EPB41L4B: variants seen among roughly 807,000 people sequenced by gnomAD.
EPB41L4B encodes the protein band 4.1-like protein 4B.
Under a neutral mutation model 112.5 loss-of-function variants are expected in EPB41L4B, and 30 were observed. The ratio of observed to expected loss-of-function variants is 0.27; its 90% confidence interval spans 0.20 to 0.36. EPB41L4B has a LOEUF of 0.36. Among genes scored for constraint, EPB41L4B ranks in the 10% least tolerant of loss-of-function variants. The pLI is 1.00. For synonymous variants in EPB41L4B, 408 were observed against 439.7 expected (o/e 0.93, Z 0.90); for missense variants, 1,024 against 1,133.3 (o/e 0.90, Z 1.38).
intron 1 of EPB41L4B, among the ~76,000 whole-genome samples, chr9:109,301,617 C>T (rs952113354): frequency 1.2e-4 from 18 of 152,294 alleles, no homozygotes; most frequent in African/African-American, 4.3e-4. Context: ...CATACAGAGG[C>T]TACTCTTTTA....
At chr9:109,211,648 C>T (rs966426755) in intron 17 of EPB41L4B, among the ~76,000 whole-genome samples, 6 of 149,568 alleles carry the variant, frequency 4.0e-5, no homozygotes, top group South Asian at 2.1e-4. Flanking sequence ...GTGTGTGTGT[C>T]GGGACAAAGT....
chr9:109,184,159 T>G (rs1043117006), intron 23 of EPB41L4B, among the ~76,000 whole-genome samples: 5 of 152,248 alleles, frequency 3.3e-5, no homozygotes, highest in African/African-American at 9.6e-5. Context: ...ACCAATATCC[T>G]AGCAGAAAGT....
chr9:109,213,714 T>A lies in EPB41L4B; in HGVS notation c.1738A>T (p.Ile580Phe). Residue 580 changes from isoleucine to phenylalanine, a missense_variant, in exon 17 of 26, where the codon ATC becomes TTC. Ile to Phe is a conservative substitution (Grantham distance 21, BLOSUM62 0). Transcript: ENST00000374566. ...KAAGPWPPLH[I>F]NINKAEEKKV... The stretch of plus-strand genomic sequence containing the variant: ...GCCCTTGGCACCTTGTTTATGTTGA[T>A]GTGCAGAGGAGGCCAGGGTCCAGCA... The A allele has an allele frequency of 3.1e-6, 5 of 1,613,988 alleles. No individual in the cohort carries two copies. Among genetic ancestry groups the A allele is most frequent in the Non-Finnish European group, 4.2e-6 (5 of 1,179,952 alleles).
At chr9:109,279,970 T>C in intron 1 of EPB41L4B, 49 bp from the exon 2 acceptor site, 1 of 1,451,808 alleles carries the variant, frequency 6.9e-7, no homozygotes, top group Non-Finnish European at 9.5e-7. Flanking sequence ...GACAGCTAGA[T>C]AAGAAAAAAA....
Position 109,320,264 on chromosome 9 carries a change from C to G in EPB41L4B, c.183G>C (p.Ala61=), listed in dbSNP as rs1262914729. The G allele has an allele frequency of 1.0e-5, 12 of 1,205,232 alleles. No homozygotes were observed. The highest frequency in any genetic ancestry group is 1.2e-5 in the Non-Finnish European group (12 of 966,026). 74.7% of individuals were successfully genotyped at this position (1,205,232 alleles called of 1,614,324 possible). A position where few individuals can be genotyped will look rare whatever the true frequency, so the allele number is the denominator to read the frequency against. Residue 61 remains alanine, a synonymous_variant, in exon 1 of 26, where the codon GCG becomes GCC. Coordinates refer to ENST00000374566, the MANE Select transcript of EPB41L4B (RefSeq NM_019114.5). The part of the protein sequence containing the change: ...PAAPGGSVFP[A]GGGPLLTGGA... ...CGCCGGTGAGCAGGGGCCCGCCGCC[C>G]GCCGGGAACACGCTGCCCCCGGGCG...
rs569166415 is a variant in EPB41L4B at position 109,185,425 on chromosome 9, G to A, written c.2418+64C>T. 1.6e-3 allele frequency: 2,310 copies of A among 1,439,110 alleles called. 51 individuals are homozygous for A. In the South Asian group the frequency reaches 0.024, roughly 15 times the overall value. The allele number at this position is 1,439,110 out of a possible 1,614,324, so 89.1% of individuals were successfully genotyped here. A position where few individuals can be genotyped will look rare whatever the true frequency, so the allele number is the denominator to read the frequency against. ...GCACGCCCACCCAGGCTTCCACCTC[G>A]CCTGGTGGCTCCTGCCCACCTCACC... is the stretch of plus-strand genomic sequence containing the variant. On this transcript the variant is annotated intron_variant, in intron 23 of 25. Coordinates refer to ENST00000374566, the MANE Select transcript of EPB41L4B (RefSeq NM_019114.5).
intron 17 of EPB41L4B, among the ~76,000 whole-genome samples, chr9:109,209,915 G>T (rs983758709): frequency 2.6e-5 from 4 of 152,328 alleles, no homozygotes; most frequent in African/African-American, 9.6e-5. Context: ...CAGAAATGGT[G>T]ATGTTGGTTA....
chr9:109,256,266 G>C, intron 8 of EPB41L4B, 42 bp from the exon 9 acceptor site: 1 of 1,596,112 alleles, frequency 6.3e-7, no homozygotes, highest in Non-Finnish European at 8.6e-7. Context: ...GGTTCTAACA[G>C]GTCGTCACAC....
rs34950010 is a variant in EPB41L4B, at chr9:109,309,755, C to CAGAGAGAGAG, written c.306+10376_306+10385dup. 1.0e-3 allele frequency among the ~76,000 whole-genome samples: 144 copies of CAGAGAGAGAG among 142,226 alleles called. 2 individuals carry two copies. Among genetic ancestry groups the CAGAGAGAGAG allele is most frequent in the African/African-American group, 1.5e-3 (57 of 37,868 alleles). The allele number at this position is 142,226 out of a possible 152,430, so 93.3% of individuals were successfully genotyped here. On this transcript the variant is annotated intron_variant, in intron 1 of 25. Coordinates refer to ENST00000374566, the MANE Select transcript of EPB41L4B (RefSeq NM_019114.5). ...TCTCTATTATTAAGAAATACACACA[C>CAGAGAGAGAG]AGAGAGAGAGAGAGAGAGAGAGAGA...
chr9:109,264,655 T>C (rs753134473), intron 5 of EPB41L4B, among the ~76,000 whole-genome samples: 1 of 152,224 alleles, frequency 6.6e-6, no homozygotes, highest in Non-Finnish European at 1.5e-5. Context: ...CTTGTAAGTG[T>C]ATACATACTA....
rs151191271 is a variant in EPB41L4B, at chr9:109,273,265, G to A, written c.412-4832C>T. Among the ~76,000 whole-genome samples the A allele has an allele frequency of 3.7e-3, 546 of 147,448 alleles. 3 individuals are homozygous for A. The highest frequency in any genetic ancestry group is 0.013 in the African/African-American group (526 of 39,872). On this transcript the variant is annotated intron_variant, in intron 2 of 25. Coordinates refer to ENST00000374566, the MANE Select transcript of EPB41L4B (RefSeq NM_019114.5). ...GCATTTCTTTTTTTTTTTTCTTTTC[G>A]AGACAGAGTCTCGCTCTGTCACCCA...
At chr9:109,294,891 G>A (rs1033701688) in intron 1 of EPB41L4B, among the ~76,000 whole-genome samples, 3 of 152,164 alleles carry the variant, frequency 2.0e-5, no homozygotes, top group East Asian at 1.9e-4. Flanking sequence ...ATCTTGTAAC[G>A]TGCAAAGGAG....
At chr9:109,251,537 G>A in intron 12 of EPB41L4B, 26 bp from the exon 13 acceptor site, 1 of 1,609,436 alleles carries the variant, frequency 6.2e-7, no homozygotes, top group South Asian at 1.1e-5. Context: ...AGAAAGTTAT[G>A]ACATCTTAGA....
At chr9:109,318,187 G>A (rs949227763) in intron 1 of EPB41L4B, among the ~76,000 whole-genome samples, 5 of 151,196 alleles carry the variant, frequency 3.3e-5, no homozygotes, top group African/African-American at 4.9e-5. Context: ...GTGTGCACGC[G>A]CATAAATACA....
chr9:109,184,923 A>G lies in EPB41L4B; in HGVS notation c.2418+566T>C, dbSNP rs534369453. On this transcript the variant is annotated intron_variant, in intron 23 of 25. Coordinates refer to ENST00000374566, the MANE Select transcript of EPB41L4B (RefSeq NM_019114.5). Reference sequence around the variant, plus strand: ...TGGTAACAAGAACAAGCTAGAAACAACATAGCAGCATTAAGTGAAAAGAGG... The same window carrying G: ...TGGTAACAAGAACAAGCTAGAAACAGCATAGCAGCATTAAGTGAAAAGAGG... Among the ~76,000 whole-genome samples, 15 of 152,370 alleles carry G rather than the reference A, an allele frequency of 9.8e-5. No individual in the cohort carries two copies. In the South Asian group the frequency reaches 2.9e-3, roughly 29 times the overall value.
At chr9:109,303,744 A>G (rs1249911208) in intron 1 of EPB41L4B, among the ~76,000 whole-genome samples, 1 of 150,382 alleles carries the variant, frequency 6.6e-6, no homozygotes, top group African/African-American at 2.5e-5. Context: ...GGGCTCAAGC[A>G]CTCCTCCCAC....
intron 1 of EPB41L4B, among the ~76,000 whole-genome samples, chr9:109,281,683 CATAAATAAATAAATAAATAA>C (rs201132051): frequency 1.6e-4 from 22 of 138,616 alleles, no homozygotes; most frequent in African/African-American, 5.8e-4. Context: ...GACTCCGTCT[CATAAATAAATAAATAAATAA>C]ATAAATAAAT....
chr9:109,257,645 G>A (rs945678485), intron 7 of EPB41L4B, among the ~76,000 whole-genome samples: 9 of 152,120 alleles, frequency 5.9e-5, no homozygotes, highest in African/African-American at 2.2e-4. Flanking sequence ...ATCAGAACCA[G>A]GCTCTGTTTG....
chr9:109,217,894 TG>T (rs1833432201), intron 15 of EPB41L4B, among the ~76,000 whole-genome samples: 1 of 149,716 alleles, frequency 6.7e-6, no homozygotes, highest in African/African-American at 2.4e-5. Flanking sequence ...TTAATTCCAG[TG>T]GACCACCTCC....
Sources: gnomAD v4.1 joint callset for allele counts (sites outside exome capture counted in the v4.1 genomes callset) on GRCh38, gnomAD v4.1.1 for gene constraint, MANE v1.5 for transcripts, NCBI Gene and HGNC (gene_info 2026-07-23, HGNC 2026-07-21) for gene names.